SYNE1: variants seen among roughly 807,000 people sequenced by gnomAD.
SYNE1 encodes spectrin repeat containing nuclear envelope protein 1.
SYNE1 carries 616 observed loss-of-function variants against 1,111.0 expected under a neutral mutation model. The observed-to-expected ratio is 0.55, with a 90% CI of 0.52 to 0.59. The LOEUF is 0.59. Ranked by LOEUF, SYNE1 falls within the 20% of genes least tolerant of loss-of-function variation. SYNE1 has a pLI of 0.00. For synonymous variants in SYNE1, 3,855 were observed against 3,825.8 expected (o/e 1.01, Z -0.28); for missense variants, 10,006 against 10,417.0 (o/e 0.96, Z 1.72).
intron 121 of SYNE1, 103 bp from the exon 122 acceptor site, chr6:152,215,163 C>T (rs764352344): frequency 8.0e-5 from 108 of 1,342,886 alleles, no homozygotes; most frequent in Middle Eastern, 2.2e-4. Flanking sequence ...AGCTGGTCTT[C>T]GGTCTAGTGG....
At chr6:152,483,996 G>A (rs2098924917) in intron 13 of SYNE1, among the ~76,000 whole-genome samples, 2 of 126,408 alleles carry the variant, frequency 1.6e-5, no homozygotes, top group African/African-American at 6.1e-5. Flanking sequence ...GAGCCCAGGA[G>A]TTTAAAACCA....
rs538293972 is a variant in SYNE1, at chr6:152,284,080, G to A, written c.18105C>T (p.Ala6035=). Residue 6035 remains alanine (A), a synonymous_variant, in exon 96 of 146, where the codon GCC becomes GCT. Transcript: ENST00000367255. ...AEELVSESCE[A]DPAEQLALQS... ...GCAAGGCCAGCTGCTCCGCAGGGTC[G>A]GCCTCACAAGACTCGGATACCAGCT... The A allele has an allele frequency of 5.6e-6, 9 of 1,614,120 alleles. No homozygotes were observed. The Admixed American group carries it at 6.7e-5, about 12-fold the overall frequency.
rs1223504047 is a variant in SYNE1, at chr6:152,318,962, G to T, written c.16290C>A (p.Leu5430=). The T allele has an allele frequency of 6.2e-7, 1 of 1,614,212 alleles. No homozygotes were observed. Among genetic ancestry groups the T allele is most frequent in the South Asian group, 1.1e-5 (1 of 91,080 alleles). ...VEQSKATSQE[L]SRQIQKLAKD... The stretch of plus-strand genomic sequence containing the variant: ...TAGCTAACTTCTGAATTTGCCGGCT[G>T]AGTTCCTGGCTCGTGGCCTTGCTCT... The change falls in exon 85 of 146, where the codon CTC becomes CTA. Residue 5430 remains leucine, a synonymous_variant. Transcript: ENST00000367255.
At chr6:152,450,876 C>T (rs759688222) in intron 26 of SYNE1, 43 bp from the exon 27 acceptor site, 1 of 1,602,156 alleles carries the variant, frequency 6.2e-7, no homozygotes, top group South Asian at 1.1e-5. Flanking sequence ...TGAGAAGCCA[C>T]ACAGTACTTC....
intron 105 of SYNE1, among the ~76,000 whole-genome samples, chr6:152,246,470 G>A (rs924963881): frequency 3.3e-5 from 5 of 152,038 alleles, no homozygotes; most frequent in African/African-American, 1.2e-4. Flanking sequence ...AAATACGTGA[G>A]AGCAGAAATG....
chr6:152,242,484 G>A (rs2153564103), intron 106 of SYNE1, 44 bp from the exon 107 acceptor site: 4 of 1,606,336 alleles, frequency 2.5e-6, no homozygotes, highest in Non-Finnish European at 2.6e-6. Context: ...TTCATATTCT[G>A]GCAACCCTCT....
Position 152,143,763 on chromosome 6 carries a change from C to A in SYNE1, c.24979G>T (p.Asp8327Tyr). Residue 8327 changes from aspartate to tyrosine, a missense_variant and splice_region_variant, in exon 138 of 146, where the codon GAC becomes TAC. This residue lies in a region of SYNE1 where 761 missense variants were observed against 795.5 expected (regional missense o/e 0.96). Coordinates refer to ENST00000367255, the MANE Select transcript of SYNE1 (RefSeq NM_182961.4). ...YLRGAVGLSG[D>Y]HSALESQIRQ... ...ATCTGTGACTCTAGGGCACTGTGGTCCCCTGCGGTGGCAACCATAAGAATC... is the reference window on the plus strand; with the variant it reads ...ATCTGTGACTCTAGGGCACTGTGGTACCCTGCGGTGGCAACCATAAGAATC... 6.2e-7 allele frequency: 1 copy of A among 1,614,108 alleles called. No homozygotes were observed. Among genetic ancestry groups the A allele is most frequent in the South Asian group, 1.1e-5 (1 of 91,062 alleles).
chr6:152,485,623 T>C (rs948677194), intron 12 of SYNE1, among the ~76,000 whole-genome samples: 6 of 152,184 alleles, frequency 3.9e-5, no homozygotes, highest in Non-Finnish European at 8.8e-5. Flanking sequence ...AATGCTAACA[T>C]TAAAACAATT....
Position 152,364,956 on chromosome 6 carries a change from A to G in SYNE1, c.10036T>C (p.Ser3346Pro), listed in dbSNP as rs1483070905. 1.2e-6 allele frequency: 2 copies of G among 1,614,162 alleles called. No individual in the cohort carries two copies. The highest frequency in any genetic ancestry group is 1.7e-6 in the Non-Finnish European group (2 of 1,180,016). The change falls in exon 63 of 146, where the codon TCT (serine) becomes CCT (proline). Residue 3346 changes from serine to proline, a missense_variant. Ser to Pro is a moderately conservative substitution (Grantham distance 74). Transcript: ENST00000367255. ...QMKMIVTRGE[S>P]VLQNTSPEGI... ...TCTGGAGAAGTATTCTGAAGGACAG[A>G]TTCTCCCCTGGTCACTATCATTTTC...
At chr6:152,302,753 A>G (rs640698) in intron 91 of SYNE1, among the ~76,000 whole-genome samples, 125,582 of 152,246 alleles carry the variant, frequency 0.82, 52,454 homozygotes, top group African/African-American at 0.95. Flanking sequence ...TAAACTTGAA[A>G]TGCAATTCGG....
At chr6:152,168,419 C>A (rs1029053650) in intron 130 of SYNE1, 1 of 535,230 alleles carries the variant, frequency 1.9e-6, no homozygotes, top group African/African-American at 1.9e-5. Flanking sequence ...GGCTTGATCT[C>A]CTGGAATGTA....
chr6:152,369,456 A>T lies in SYNE1; in HGVS notation c.9651+15T>A. ...GACTAGGTCAGATGGGGCTACGGGG[A>T]GGCGGGCTCATCACCTGGAGCTTCT... On this transcript the variant is annotated intron_variant, in intron 60 of 145. Coordinates refer to ENST00000367255, the MANE Select transcript of SYNE1 (RefSeq NM_182961.4). 1.2e-6 allele frequency: 2 copies of T among 1,614,086 alleles called. No homozygotes were observed. Among genetic ancestry groups the T allele is most frequent in the Non-Finnish European group, 1.7e-6 (2 of 1,180,008 alleles).
intron 12 of SYNE1, among the ~76,000 whole-genome samples, chr6:152,486,673 TG>T (rs1439568878): frequency 6.6e-6 from 1 of 152,188 alleles, no homozygotes; most frequent in Non-Finnish European, 1.5e-5. Context: ...AATTTTATTT[TG>T]GGGAAAAAAG....
chr6:152,518,544 G>A (rs2099123946), intron 6 of SYNE1, among the ~76,000 whole-genome samples: 1 of 152,078 alleles, frequency 6.6e-6, no homozygotes, highest in South Asian at 2.1e-4. Flanking sequence ...TGATGCCAGA[G>A]CTATGCTTCC....
At chr6:152,372,900 A>C in intron 59 of SYNE1, 137 bp downstream of exon 59, 1 of 919,542 alleles carries the variant, frequency 1.1e-6, no homozygotes. Context: ...CTGTTAGCCC[A>C]TTGTCTTCTT....
chr6:152,208,382 T>C (rs113862099), intron 124 of SYNE1, among the ~76,000 whole-genome samples, 176 bp from the exon 125 acceptor site: 143 of 152,292 alleles, frequency 9.4e-4, no homozygotes, highest in African/African-American at 3.3e-3. Context: ...CAATTAATTT[T>C]TAAAATTAAA....
At chr6:152,453,935 ATTT>A (rs555733730) in intron 24 of SYNE1, among the ~76,000 whole-genome samples, 4 of 152,194 alleles carry the variant, frequency 2.6e-5, no homozygotes, top group Non-Finnish European at 4.4e-5. Context: ...AGTATTTTTT[ATTT>A]TTTAGAAAAA....
At chr6:152,635,869 G>C (rs1438889815) in intron 2 of SYNE1, among the ~76,000 whole-genome samples, 3 of 152,218 alleles carry the variant, frequency 2.0e-5, no homozygotes, top group Non-Finnish European at 4.4e-5. Context: ...TTTACGGAAG[G>C]GGGCAGAACT....
intron 77 of SYNE1, 91 bp downstream of exon 77, chr6:152,333,917 G>A: frequency 6.4e-7 from 1 of 1,562,408 alleles, no homozygotes; most frequent in Non-Finnish European, 8.8e-7. Flanking sequence ...ACAGGCATCA[G>A]CCACTGCACC....
Sources: gnomAD v4.1 joint callset for allele counts (sites outside exome capture counted in the v4.1 genomes callset) on GRCh38, gnomAD v4.1.1 for gene constraint, gnomAD v4.1.1 regional missense constraint, MANE v1.5 for transcripts, NCBI Gene and HGNC (gene_info 2026-07-23, HGNC 2026-07-21) for gene names.